The following FSTL4 variants were observed in gnomAD, a reference collection of about 807,000 sequenced individuals.
The protein encoded by FSTL4 is follistatin-related protein 4.
Under a neutral mutation model 78.2 loss-of-function variants are expected in FSTL4, and 28 were observed. That is an observed-to-expected ratio of 0.36 (90% CI 0.27 to 0.49). FSTL4 has a LOEUF of 0.49. FSTL4 is among the 20% of genes least tolerant of loss of function. The pLI, the probability that FSTL4 is intolerant of heterozygous loss-of-function variation, is 0.98. For missense variants in FSTL4, 922 were observed against 1,084.9 expected, an observed-to-expected ratio of 0.85 and a Z score of 2.11; for synonymous variants, 422 against 440.5, an observed-to-expected ratio of 0.96 and a Z score of 0.53.
rs906665024 is a variant in FSTL4, at chr5:133,415,834, G to A, written c.161-14848C>T. On this transcript the variant is annotated intron_variant, in intron 3 of 15. Transcript: ENST00000265342. ...GAACTAGGTTTTTCATGGAAGAAGA[G>A]AATTACAAATATGAAAAGAGGGAAC... 1.3e-5 allele frequency among the ~76,000 whole-genome samples: 2 copies of A among 152,182 alleles called. 1 individual carries two copies. Among genetic ancestry groups the A allele is most frequent in the Middle Eastern group, 6.3e-3 (2 of 316 alleles).
At chr5:133,756,633 T>C in the FSTL4 span, among the ~76,000 whole-genome samples, 1 of 152,036 alleles carries the variant, frequency 6.6e-6, no homozygotes, top group Non-Finnish European at 1.5e-5. Context: ...TCACACCCAC[T>C]GAGTGCACCT....
chr5:133,312,128 T>C (rs562430771), intron 6 of FSTL4, among the ~76,000 whole-genome samples: 25 of 152,228 alleles, frequency 1.6e-4, no homozygotes, highest in African/African-American at 6.0e-4. Flanking sequence ...ACCTCCTCTG[T>C]TTTCAAACAG....
the FSTL4 span, among the ~76,000 whole-genome samples, chr5:133,639,381 G>A: frequency 6.6e-6 from 1 of 152,152 alleles, no homozygotes; most frequent in Non-Finnish European, 1.5e-5. Context: ...CAGAAAAGGG[G>A]GGTCTGTGGA....
intron 2 of FSTL4, among the ~76,000 whole-genome samples, chr5:133,599,926 C>T (rs1395597843): frequency 1.3e-5 from 2 of 152,198 alleles, no homozygotes; most frequent in Non-Finnish European, 2.9e-5. Flanking sequence ...AGCAGGTATG[C>T]TCTCTGGAGG....
chr5:133,456,134 TG>T (rs1757482901), intron 3 of FSTL4, among the ~76,000 whole-genome samples: 1 of 152,238 alleles, frequency 6.6e-6, no homozygotes, highest in South Asian at 2.1e-4. Flanking sequence ...CATAATGTCC[TG>T]GTTATATTAG....
At chr5:133,378,775 G>C (rs1755501569) in intron 4 of FSTL4, among the ~76,000 whole-genome samples, 2 of 151,768 alleles carry the variant, frequency 1.3e-5, no homozygotes, top group Admixed American at 6.6e-5. Flanking sequence ...CAAAAATGTA[G>C]GAAAAGTATC....
the FSTL4 span, among the ~76,000 whole-genome samples, chr5:133,641,230 A>AAAAACAAAAC: frequency 6.1e-3 from 931 of 152,224 alleles, 14 homozygotes; most frequent in African/African-American, 0.021. Flanking sequence ...TGATAGCCTA[A>AAAAACAAAAC]AAAACAAAAC....
At chr5:133,303,633 C>T (rs538873528) in intron 6 of FSTL4, among the ~76,000 whole-genome samples, 6 of 152,200 alleles carry the variant, frequency 3.9e-5, no homozygotes, top group Non-Finnish European at 8.8e-5. Context: ...AGCTTGTTCC[C>T]GTGCAGCCCA....
At chr5:133,263,400 C>T (rs1752574750) in intron 6 of FSTL4, among the ~76,000 whole-genome samples, 1 of 151,746 alleles carries the variant, frequency 6.6e-6, no homozygotes, top group Non-Finnish European at 1.5e-5. Flanking sequence ...GTTCTGGGAC[C>T]CCCAATGTTT....
intron 3 of FSTL4, among the ~76,000 whole-genome samples, chr5:133,497,114 C>T (rs2112873720): frequency 6.6e-6 from 1 of 152,346 alleles, no homozygotes; most frequent in East Asian, 1.9e-4. Context: ...TGGGCCCATC[C>T]TCACTGGCAC....
At chr5:133,307,843 C>T (rs1261953742) in intron 6 of FSTL4, among the ~76,000 whole-genome samples, 6 of 148,658 alleles carry the variant, frequency 4.0e-5, no homozygotes, top group South Asian at 2.1e-4. Context: ...TGCAGTGGTG[C>T]GATCTCCACT....
At chr5:133,654,762 A>G in the FSTL4 span, among the ~76,000 whole-genome samples, 1 of 152,126 alleles carries the variant, frequency 6.6e-6, no homozygotes, top group Non-Finnish European at 1.5e-5. Flanking sequence ...CTTGATGGAG[A>G]GCGCCTGACA....
intron 15 of FSTL4, 81 bp downstream of exon 15, chr5:133,201,852 G>A (rs535121289): frequency 9.2e-6 from 7 of 758,620 alleles, no homozygotes; most frequent in Non-Finnish European, 4.4e-6. Flanking sequence ...AAATGAGCAG[G>A]TCCCATGCTG....
At chr5:133,547,213 C>T (rs1759595074) in intron 3 of FSTL4, among the ~76,000 whole-genome samples, 1 of 150,248 alleles carries the variant, frequency 6.7e-6, no homozygotes, top group Non-Finnish European at 1.5e-5. Flanking sequence ...GGGCCTGATA[C>T]TCCTTTCTTC....
At chr5:133,782,297 T>G in the FSTL4 span, among the ~76,000 whole-genome samples, 1 of 152,236 alleles carries the variant, frequency 6.6e-6, no homozygotes, top group Non-Finnish European at 1.5e-5. Flanking sequence ...AAATATGTAC[T>G]GGGCCACTAC....
At chr5:133,235,344 A>C (rs920810546) in intron 7 of FSTL4, among the ~76,000 whole-genome samples, 1 of 151,816 alleles carries the variant, frequency 6.6e-6, no homozygotes, top group African/African-American at 2.4e-5. Flanking sequence ...CAAACAAACA[A>C]AAAAATTAGC....
At chr5:133,671,103 A>C in the FSTL4 span, among the ~76,000 whole-genome samples, 4 of 152,168 alleles carry the variant, frequency 2.6e-5, no homozygotes, top group Non-Finnish European at 5.9e-5. Flanking sequence ...AGCCAATACT[A>C]GCCTGCTAAG....
At chr5:133,686,017 C>G in the FSTL4 span, among the ~76,000 whole-genome samples, 1 of 152,200 alleles carries the variant, frequency 6.6e-6, no homozygotes, top group Admixed American at 6.5e-5. Flanking sequence ...TGTGAAACTG[C>G]CCAGCCCTGC....
At chr5:133,667,379 C>T in the FSTL4 span, among the ~76,000 whole-genome samples, 66,738 of 152,064 alleles carry the variant, frequency 0.44, 15,452 homozygotes, top group African/African-American at 0.59. Context: ...TACAATCTGA[C>T]TTTAACACTG....
Sources: allele counts gnomAD v4.1 joint callset (sites outside exome capture counted in the v4.1 genomes callset), GRCh38; gene constraint gnomAD v4.1.1; transcripts MANE v1.5; gene names NCBI Gene and HGNC (gene_info 2026-07-23, HGNC 2026-07-21).